PRDM6: variants seen among roughly 807,000 people sequenced by gnomAD.
The protein encoded by PRDM6 is PR/SET domain 6, also known as putative histone-lysine N-methyltransferase PRDM6.
In PRDM6, 25 loss-of-function variants were observed where a neutral mutation model predicts 60.8. The observed-to-expected ratio is 0.41, with a 90% CI of 0.30 to 0.57. The LOEUF is 0.57. Among genes scored for constraint, PRDM6 ranks in the 20% least tolerant of loss-of-function variants. PRDM6 has a pLI of 0.27. For synonymous variants in PRDM6, 407 were observed against 357.4 expected (o/e 1.14, Z -1.57); for missense variants, 839 against 821.3 (o/e 1.02, Z -0.26).
intron 3 of PRDM6, among the ~76,000 whole-genome samples, chr5:123,106,598 T>C (rs1474469551): frequency 6.6e-6 from 1 of 152,220 alleles, no homozygotes; most frequent in African/African-American, 2.4e-5. Context: ...ACAAATAAGC[T>C]TGCTCTTTTG....
chr5:123,168,065 C>T lies in PRDM6; in HGVS notation c.1154-2701C>T, dbSNP rs185243164. Among the ~76,000 whole-genome samples the T allele has an allele frequency of 2.0e-5, 3 of 152,272 alleles. No individual in the cohort carries two copies. In the East Asian group the frequency reaches 5.8e-4, roughly 29 times the overall value. On this transcript the variant is annotated intron_variant, in intron 5 of 7. Transcript: ENST00000407847. ...AAAAAAATGCCAGAGCATGGCAAAA[C>T]ATTCCTTCTTGTCGTTCAGTGCCTA...
intron 5 of PRDM6, among the ~76,000 whole-genome samples, chr5:123,168,175 G>A (rs887078817): frequency 6.6e-6 from 1 of 151,882 alleles, no homozygotes; most frequent in Non-Finnish European, 1.5e-5. Flanking sequence ...ATATTCTTTT[G>A]CCCCAGAATT....
chr5:123,131,412 G>T (rs1045506838), intron 3 of PRDM6, among the ~76,000 whole-genome samples: 6 of 152,096 alleles, frequency 3.9e-5, no homozygotes, highest in Non-Finnish European at 7.4e-5. Context: ...ACTATATGTT[G>T]TATGCTTACA....
intron 5 of PRDM6, among the ~76,000 whole-genome samples, chr5:123,163,165 A>G (rs997114116): frequency 6.6e-6 from 1 of 152,234 alleles, no homozygotes; most frequent in African/African-American, 2.4e-5. Flanking sequence ...ATGTGCACTG[A>G]ATAAATACTG....
chr5:123,092,920 G>T (rs1207623854), intron 2 of PRDM6, among the ~76,000 whole-genome samples: 1 of 152,104 alleles, frequency 6.6e-6, no homozygotes, highest in Admixed American at 6.6e-5. Flanking sequence ...TCTAAGTAGG[G>T]GCTTAAAACA....
At chr5:123,173,126 G>A (rs927068989) in intron 6 of PRDM6, among the ~76,000 whole-genome samples, 1 of 151,360 alleles carries the variant, frequency 6.6e-6, no homozygotes, top group African/African-American at 2.4e-5. Context: ...AGGAGGCAGA[G>A]CTTGCAGTGA....
intron 3 of PRDM6, among the ~76,000 whole-genome samples, chr5:123,135,719 C>A (rs432503): frequency 6.6e-6 from 1 of 152,142 alleles, no homozygotes; most frequent in African/African-American, 2.4e-5. Context: ...TTTCTGTATC[C>A]TATTATCAAA....
At chr5:123,137,636 T>G (rs1347166806) in intron 3 of PRDM6, among the ~76,000 whole-genome samples, 2 of 152,090 alleles carry the variant, frequency 1.3e-5, no homozygotes, top group Non-Finnish European at 2.9e-5. Context: ...CCCGGGCCTG[T>G]CAGGGGGTGG....
chr5:123,090,597 C>A lies in PRDM6; in HGVS notation c.583C>A (p.Pro195Thr). The A allele has an allele frequency of 2.0e-6, 3 of 1,523,008 alleles. No individual in the cohort carries two copies. The highest frequency in any genetic ancestry group is 2.6e-6 in the Non-Finnish European group (3 of 1,142,676). The allele number at this position is 1,523,008 out of a possible 1,614,324, so 94.3% of individuals were successfully genotyped here. ...CCCGCTCAACCAGCACACCAGCGAC[C>A]CCAACAACCGTACGTAGCCGCAGCC... The part of the protein sequence containing the change: ...IIPLNQHTSD[P>T]NNRCDMCADN... Residue 195 changes from proline to threonine, a missense_variant, in exon 2 of 8, where the codon CCC becomes ACC. Around this residue, in one of 2 missense-constraint regions of PRDM6, gnomAD observed 730 missense variants for 648.8 expected, o/e 1.13. Transcript: ENST00000407847.
At chr5:123,112,008 C>CAT (rs1764326524) in intron 3 of PRDM6, among the ~76,000 whole-genome samples, 1 of 152,214 alleles carries the variant, frequency 6.6e-6, no homozygotes, top group Non-Finnish European at 1.5e-5. Flanking sequence ...TAAAGAACTA[C>CAT]TAACAGACAG....
At position 123,150,043 on chromosome 5, in the gene PRDM6, GT is replaced by G. The variant is rs1157528160; in HGVS notation, c.901-5838del. ...GTTAGTAGATTATGTCTAGACTGAC[GT>G]TTCTCATCTAATAATAGTGTTGGTC... On this transcript the variant is annotated intron_variant, in intron 3 of 7. Transcript: ENST00000407847. 3.9e-5 allele frequency among the ~76,000 whole-genome samples: 6 copies of G among 152,248 alleles called. No homozygotes were observed. The South Asian group carries it at 1.2e-3, about 32-fold the overall frequency.
chr5:123,126,673 T>C (rs1764701388), intron 3 of PRDM6, among the ~76,000 whole-genome samples: 1 of 152,190 alleles, frequency 6.6e-6, no homozygotes, highest in Non-Finnish European at 1.5e-5. Context: ...GGACAAGAGA[T>C]GACACATATT....
rs946861458 is a variant in PRDM6 at position 123,090,456 on chromosome 5, G to A, written c.442G>A (p.Val148Ile). 5.4e-6 allele frequency: 8 copies of A among 1,471,338 alleles called. No homozygotes were observed. In the Admixed American group the frequency reaches 1.7e-4, roughly 31 times the overall value. The allele number at this position is 1,471,338 out of a possible 1,614,324, so 91.1% of individuals were successfully genotyped here. The change falls in exon 2 of 8, where the codon GTC becomes ATC. Residue 148 changes from valine to isoleucine, a missense_variant. Val to Ile is a conservative substitution (Grantham distance 29, BLOSUM62 3). Coordinates refer to ENST00000407847, the MANE Select transcript of PRDM6 (RefSeq NM_001136239.4). Reference sequence around the variant, plus strand: ...CGGCGCCACCTCCGGCCCCGGGCCCGTCAAGTGCGGTGGTGGTGGCGGCGG... The same window carrying A: ...CGGCGCCACCTCCGGCCCCGGGCCCATCAAGTGCGGTGGTGGTGGCGGCGG... ...CLGATSGPGP[V>I]KCGGGGGGGG... is the part of the protein sequence containing the mutation.
chr5:123,135,092 G>C (rs1036262469), intron 3 of PRDM6, among the ~76,000 whole-genome samples: 3 of 151,966 alleles, frequency 2.0e-5, no homozygotes, highest in African/African-American at 7.3e-5. Context: ...TTGACTTACA[G>C]GTTCATGATC....
chr5:123,106,052 G>A (rs1278553636), intron 3 of PRDM6, among the ~76,000 whole-genome samples: 1 of 152,210 alleles, frequency 6.6e-6, no homozygotes, highest in African/African-American at 2.4e-5. Flanking sequence ...TTGGAGCCTG[G>A]TTGAAGGCTG....
At position 123,152,270 on chromosome 5, in the gene PRDM6, GT is replaced by G. The variant is rs145960869; in HGVS notation, c.901-3613del. Among the ~76,000 whole-genome samples the G allele has an allele frequency of 3.2e-3, 484 of 152,236 alleles. 3 individuals are homozygous for G. The highest frequency in any genetic ancestry group is 0.011 in the African/African-American group (449 of 41,540). ...CCAAGCAGGTAAGTAAATTAGTGAA[GT>G]AAGTAGCATGTAAGACAGTAGAGAG... On this transcript the variant is annotated intron_variant, in intron 3 of 7. Coordinates refer to ENST00000407847, the MANE Select transcript of PRDM6 (RefSeq NM_001136239.4).
At chr5:123,184,820 C>A (rs1273154116) in intron 7 of PRDM6, among the ~76,000 whole-genome samples, 1 of 152,096 alleles carries the variant, frequency 6.6e-6, no homozygotes, top group Non-Finnish European at 1.5e-5. Flanking sequence ...ATATAAATTG[C>A]ATTCTTGTCA....
chr5:123,156,174 A>G (rs372375384), intron 4 of PRDM6, among the ~76,000 whole-genome samples, 163 bp downstream of exon 4: 2 of 151,520 alleles, frequency 1.3e-5, no homozygotes, highest in East Asian at 1.9e-4. Flanking sequence ...CTTAGTTCCT[A>G]TGACAGTAAG....
chr5:123,142,034 T>A (rs1364285579), intron 3 of PRDM6, among the ~76,000 whole-genome samples: 2 of 152,152 alleles, frequency 1.3e-5, no homozygotes, highest in Non-Finnish European at 2.9e-5. Context: ...TACATCTTTT[T>A]AACAGTTTAT....
Sources: gnomAD v4.1 joint callset for allele counts (sites outside exome capture counted in the v4.1 genomes callset) on GRCh38, gnomAD v4.1.1 for gene constraint, gnomAD v4.1.1 regional missense constraint, MANE v1.5 for transcripts, NCBI Gene and HGNC (gene_info 2026-07-23, HGNC 2026-07-21) for gene names.